Variants in PHRF1 observed in about 807,000 individuals in gnomAD.
PHRF1 encodes PHD and RING finger domain-containing protein 1.
Under a neutral mutation model 128.9 loss-of-function variants are expected in PHRF1, and 53 were observed. The ratio of observed to expected loss-of-function variants is 0.41; its 90% confidence interval spans 0.33 to 0.52. The LOEUF (loss-of-function observed/expected upper bound fraction) is 0.52. PHRF1 is among the 20% of genes least tolerant of loss of function. The pLI is 0.21. For synonymous variants in PHRF1, 1,178 were observed against 980.6 expected (o/e 1.20, Z -3.76); for missense variants, 2,503 against 2,284.5 (o/e 1.10, Z -1.95).
rs964435122 is a variant in PHRF1, at chr11:597,270, C to G, written c.719-125C>G. On this transcript the variant is annotated intron_variant, in intron 7 of 17. Coordinates refer to ENST00000264555, the MANE Select transcript of PHRF1 (RefSeq NM_001286581.2). The surrounding 1 kb of genome is among the most constrained non-coding windows in gnomAD (Gnocchi z 6.5). ...AGGAGCACCAGGCTCCATGAGCAGCCCTGGGTCCTGTGCACAGGTCAGCCC... is the reference window on the plus strand; with the variant it reads ...AGGAGCACCAGGCTCCATGAGCAGCGCTGGGTCCTGTGCACAGGTCAGCCC... The G allele has an allele frequency of 1.6e-6, 2 of 1,244,338 alleles. No individual in the cohort carries two copies. Among genetic ancestry groups the G allele is most frequent in the Admixed American group, 4.8e-5 (2 of 41,294 alleles). The allele number at this position is 1,244,338 out of a possible 1,614,324, so 77.1% of individuals were successfully genotyped here.
intron 4 of PHRF1, 44 bp downstream of exon 4, chr11:587,508 C>G (rs1396707808): frequency 1.3e-6 from 2 of 1,592,942 alleles, no homozygotes; most frequent in Non-Finnish European, 1.7e-6. Flanking sequence ...TCAGGATGGC[C>G]TCCCTGTTTA....
chr11:588,062 C>G (rs974800272), intron 4 of PHRF1, among the ~76,000 whole-genome samples: 1 of 152,150 alleles, frequency 6.6e-6, no homozygotes, highest in Non-Finnish European at 1.5e-5. Context: ...GACCTCTGTA[C>G]TCAGGGCTCA....
At chr11:602,998 T>G (rs1855730616) in intron 10 of PHRF1, among the ~76,000 whole-genome samples, 2 of 152,088 alleles carry the variant, frequency 1.3e-5, no homozygotes, top group South Asian at 4.2e-4. Flanking sequence ...CCTGACCTCG[T>G]GATCTGCCCA....
intron 6 of PHRF1, among the ~76,000 whole-genome samples, chr11:594,894 TAA>T (rs1245300121): frequency 2.6e-5 from 4 of 151,870 alleles, no homozygotes; most frequent in African/African-American, 9.7e-5. Flanking sequence ...ACTTGGCAGA[TAA>T]AACAACGCAA....
intron 1 of PHRF1, among the ~76,000 whole-genome samples, chr11:580,098 A>G (rs1417419727): frequency 2.0e-5 from 3 of 152,066 alleles, no homozygotes; most frequent in Non-Finnish European, 2.9e-5. Context: ...TCCTCTGATC[A>G]TGGATGGAGG....
In PHRF1 at chr11:601,460, C is replaced by A; in HGVS notation, c.1025-114C>A. 2.1e-6 allele frequency: 3 copies of A among 1,407,942 alleles called. No individual in the cohort carries two copies. The South Asian group carries it at 4.1e-5, about 19-fold the overall frequency. 87.2% of individuals were successfully genotyped at this position (1,407,942 alleles called of 1,614,324 possible). A position where few individuals can be genotyped will look rare whatever the true frequency, so the allele number is the denominator to read the frequency against. ...AAAAAAAAAAAATTGCAAGCCGGTGCGTGTGGTCCCGCTGTACCGGCTCCT... is the reference window on the plus strand; with the variant it reads ...AAAAAAAAAAAATTGCAAGCCGGTGAGTGTGGTCCCGCTGTACCGGCTCCT... On this transcript the variant is annotated intron_variant, in intron 9 of 17. Transcript: ENST00000264555.
intron 10 of PHRF1, among the ~76,000 whole-genome samples, chr11:602,196 T>G (rs1484235812): frequency 6.6e-6 from 1 of 152,218 alleles, no homozygotes; most frequent in Non-Finnish European, 1.5e-5. Flanking sequence ...TTTGTTGTCC[T>G]AGGCCCTTTC....
intron 4 of PHRF1, among the ~76,000 whole-genome samples, chr11:588,634 C>A (rs1854734020): frequency 6.6e-6 from 1 of 152,138 alleles, no homozygotes; most frequent in Admixed American, 6.6e-5. Context: ...CCGTCTCGGC[C>A]TCCCAAACTG....
rs1295513258 is a variant in PHRF1, at chr11:592,631, G to A, written c.577G>A (p.Asp193Asn). 9 of 1,614,072 alleles carry A rather than the reference G, an allele frequency of 5.6e-6. No homozygotes were observed. Among genetic ancestry groups the A allele is most frequent in the South Asian group, 1.1e-5 (1 of 91,092 alleles). ...CTTCTGTGAGGTGTGCGGCAGGAGC[G>A]ACCGTGAGGACAGGCTTTTGCTCTG... Reference protein sequence around the residue: ...PTFCEVCGRSDREDRLLLCDG... With the variant: ...PTFCEVCGRSNREDRLLLCDG... The change falls in exon 6 of 18, where the codon GAC (aspartate) becomes AAC (asparagine). Residue 193 changes from aspartate (D) to asparagine (N), a missense_variant. By Grantham distance (23) the Asp-to-Asn change is conservative (BLOSUM62 1). Transcript: ENST00000264555.
chr11:590,780 C>T lies in PHRF1; in HGVS notation c.421-604C>T, dbSNP rs563997709. On this transcript the variant is annotated intron_variant, in intron 4 of 17. Transcript: ENST00000264555. ...GTGCAGTGGCGCCATCTCGGCTCAC[C>T]GCAACCTCAGCCTCTCGGGTTCAAA... Among the ~76,000 whole-genome samples, 135 of 152,184 alleles carry T rather than the reference C, an allele frequency of 8.9e-4. 2 individuals are homozygous for T. The highest frequency in any genetic ancestry group is 3.1e-3 in the African/African-American group (128 of 41,494).
rs746082546 is a variant in PHRF1, at chr11:609,282, A to G, written c.3826A>G (p.Ser1276Gly). 1.2e-6 allele frequency: 2 copies of G among 1,612,440 alleles called. No individual in the cohort carries two copies. Among genetic ancestry groups the G allele is most frequent in the Non-Finnish European group, 1.7e-6 (2 of 1,179,882 alleles). The change falls in exon 14 of 18, where the codon AGC (serine) becomes GGC (glycine). Residue 1276 changes from serine to glycine, a missense_variant. Physicochemically the swap from Ser to Gly is moderately conservative, Grantham distance 56 (BLOSUM62 0). Transcript: ENST00000264555. Reference sequence around the variant, plus strand: ...CGGACACGTCTTTGATGATTTCTCAAGCGACGCCGTTTTCATCCAGCTCGA... The same window carrying G: ...CGGACACGTCTTTGATGATTTCTCAGGCGACGCCGTTTTCATCCAGCTCGA... Reference protein sequence around the residue: ...EAGHVFDDFSSDAVFIQLDDM... With the variant: ...EAGHVFDDFSGDAVFIQLDDM...
Position 607,141 on chromosome 11 carries a change from G to T in PHRF1, c.1685G>T (p.Arg562Leu). The part of the protein sequence containing the change: ...EEGFKGCLQP[R>L]ALPSGSPAQG... ...GGATTCAAGGGCTGCCTGCAGCCCC[G>T]AGCACTGCCCTCCGGGAGCCCGGCC... Residue 562 changes from arginine to leucine, a missense_variant, in exon 14 of 18, where the codon CGA (arginine) becomes CTA (leucine). Transcript: ENST00000264555. 1 of 1,613,024 alleles carries T rather than the reference G, an allele frequency of 6.2e-7. No individual in the cohort carries two copies. Among genetic ancestry groups the T allele is most frequent in the Non-Finnish European group, 8.5e-7 (1 of 1,179,722 alleles).
chr11:577,696 A>T (rs529821688), intron 1 of PHRF1, among the ~76,000 whole-genome samples: 1 of 152,350 alleles, frequency 6.6e-6, no homozygotes, highest in Admixed American at 6.5e-5. Flanking sequence ...TGAATACAAG[A>T]ATAAAAGTCG....
rs543756289 is a variant in PHRF1 at position 576,492 on chromosome 11, A to C, written c.-122A>C. On this transcript the variant is annotated 5_prime_UTR_variant, in exon 1 of 18. Coordinates refer to ENST00000264555, the MANE Select transcript of PHRF1 (RefSeq NM_001286581.2). ...CGTGCACTTCCGGGTCGAAGAGCGCACGGCGGCGGCAGAGGCGGCGGCGGC... is the reference window on the plus strand; with the variant it reads ...CGTGCACTTCCGGGTCGAAGAGCGCCCGGCGGCGGCAGAGGCGGCGGCGGC... 28 of 152,912 alleles carry C rather than the reference A, an allele frequency of 1.8e-4. No individual in the cohort carries two copies. In the South Asian group the frequency reaches 4.3e-3, roughly 24 times the overall value. The allele number at this position is 152,912 out of a possible 1,614,324, so 9.5% of individuals were successfully genotyped here.
Position 597,651 on chromosome 11 carries a change from C to T in PHRF1, c.894+81C>T, listed in dbSNP as rs1395870224. On this transcript the variant is annotated intron_variant, in intron 8 of 17. Coordinates refer to ENST00000264555, the MANE Select transcript of PHRF1 (RefSeq NM_001286581.2). This position sits in a 1 kb window ranked among gnomAD's most constrained non-coding sequence, Gnocchi z 6.5. Reference sequence around the variant, plus strand: ...CGGCAGTCTGGGTGGGTGGGAGGGGCGTCGTCGGCACTGTGGGGTCCGCCC... The same window carrying T: ...CGGCAGTCTGGGTGGGTGGGAGGGGTGTCGTCGGCACTGTGGGGTCCGCCC... 88 of 1,476,796 alleles carry T rather than the reference C, an allele frequency of 6.0e-5. 1 individual carries two copies. Among genetic ancestry groups the T allele is most frequent in the South Asian group, 5.5e-4 (43 of 78,142 alleles). 91.5% of individuals were successfully genotyped at this position (1,476,796 alleles called of 1,614,324 possible).
rs1856135550 is a variant in PHRF1, at chr11:608,774, T to G, written c.3318T>G (p.Ser1106Arg). 1.2e-6 allele frequency: 2 copies of G among 1,608,032 alleles called. No individual in the cohort carries two copies. The highest frequency in any genetic ancestry group is 2.2e-5 in the East Asian group (1 of 44,706). ...PGSSSYEHYE[S>R]RKKKKRRSAS... The stretch of plus-strand genomic sequence containing the variant: ...GCTCTTCCTATGAGCACTATGAGAG[T>G]AGGAAGAAGAAGAAAAGGAGATCAG... The change falls in exon 14 of 18, where the codon AGT (serine) becomes AGG (arginine). Residue 1106 changes from serine to arginine, a missense_variant. Physicochemically the swap from Ser to Arg is moderately radical, Grantham distance 110. Coordinates refer to ENST00000264555, the MANE Select transcript of PHRF1 (RefSeq NM_001286581.2).
intron 4 of PHRF1, among the ~76,000 whole-genome samples, chr11:588,278 G>A (rs1024674511): frequency 6.6e-6 from 1 of 152,202 alleles, no homozygotes; most frequent in Non-Finnish European, 1.5e-5. Context: ...GCTGGTGGTG[G>A]CAGGCTGTGA....
chr11:582,191 C>A (rs1313503590), intron 3 of PHRF1, 110 bp downstream of exon 3: 1 of 1,499,448 alleles, frequency 6.7e-7, no homozygotes, highest in Non-Finnish European at 8.9e-7. Context: ...CTGGCCATGT[C>A]CCTGCGGTCA....
chr11:580,205 C>T (rs146355616), intron 1 of PHRF1, among the ~76,000 whole-genome samples: 40 of 152,318 alleles, frequency 2.6e-4, no homozygotes, highest in East Asian at 1.5e-3. Context: ...CTCCGAGAGT[C>T]GCCTGGGAAA....
Sources: allele counts gnomAD v4.1 joint callset (sites outside exome capture counted in the v4.1 genomes callset), GRCh38; gene constraint gnomAD v4.1.1; non-coding constraint Gnocchi (gnomAD v3.1); transcripts MANE v1.5; gene names NCBI Gene and HGNC (gene_info 2026-07-23, HGNC 2026-07-21).